BMP2K: variants seen among roughly 807,000 people sequenced by gnomAD.
BMP2K encodes the protein BMP-2-inducible protein kinase.
BMP2K carries 74 observed loss-of-function variants against 116.0 expected under a neutral mutation model. The observed-to-expected ratio is 0.64, with a 90% confidence interval of 0.53 to 0.77. The LOEUF is 0.77. Ranked by LOEUF, BMP2K falls within the 30% of genes least tolerant of loss-of-function variation. The pLI is 0.00. For missense variants in BMP2K, 1,365 were observed against 1,403.6 expected, an observed-to-expected ratio of 0.97 and a Z score of 0.44; for synonymous variants, 486 against 502.5, an observed-to-expected ratio of 0.97 and a Z score of 0.44.
intron 5 of BMP2K, among the ~76,000 whole-genome samples, chr4:78,846,949 A>G (rs1003047941): frequency 2.7e-5 from 4 of 150,772 alleles, no homozygotes; most frequent in African/African-American, 9.7e-5. Flanking sequence ...AAAGACAATT[A>G]AGCTTTTAGA....
chr4:78,906,043 C>T (rs1337554159), intron 15 of BMP2K: 1 of 152,002 alleles, frequency 6.6e-6, no homozygotes, highest in African/African-American at 2.4e-5. Flanking sequence ...CTTTCTTTCC[C>T]AGCTCTTCTG....
At chr4:78,810,163 C>A (rs1186337364) in intron 1 of BMP2K, among the ~76,000 whole-genome samples, 1 of 152,232 alleles carries the variant, frequency 6.6e-6, no homozygotes, top group African/African-American at 2.4e-5. Context: ...ACTAATAAGT[C>A]TTCTAGCTTT....
chr4:78,915,427 T>G lies in BMP2K; in HGVS notation c.*3394T>G, dbSNP rs556671778. On this transcript the variant is annotated 3_prime_UTR_variant, in exon 16 of 16. Coordinates refer to ENST00000502613, the MANE Select transcript of BMP2K (RefSeq NM_198892.2). ...TAGTTTTGAGGCGCTTGGGTACATT[T>G]GTTTTTAATATATTTAGAATGTGCA... is the stretch of plus-strand genomic sequence containing the variant. 1.2e-4 allele frequency: 18 copies of G among 152,130 alleles called. No individual in the cohort carries two copies. The highest frequency in any genetic ancestry group is 4.3e-4 in the African/African-American group (18 of 41,552). The allele number at this position is 152,130 out of a possible 1,614,324, so 9.4% of individuals were successfully genotyped here. A position where few individuals can be genotyped will look rare whatever the true frequency, so the allele number is the denominator to read the frequency against.
intron 7 of BMP2K, among the ~76,000 whole-genome samples, chr4:78,853,857 C>T (rs191844444): frequency 6.6e-6 from 1 of 152,264 alleles, no homozygotes; most frequent in Non-Finnish European, 1.5e-5. Context: ...GTCATTATTA[C>T]TATAAAAACT....
intron 1 of BMP2K, among the ~76,000 whole-genome samples, chr4:78,777,481 A>G (rs1295479398): frequency 6.6e-6 from 1 of 152,230 alleles, no homozygotes; most frequent in Non-Finnish European, 1.5e-5. Flanking sequence ...AAGTCTACTT[A>G]CAAAAAAAGT....
In BMP2K at chr4:78,859,634, T is replaced by C; in HGVS notation, c.934T>C (p.Ser312Pro). Reference sequence around the variant, plus strand: ...ACATAGACCTGATATATTTCAAGTGTCATATTTTGCATTTAAATTTGCCAA... The same window carrying C: ...ACATAGACCTGATATATTTCAAGTGCCATATTTTGCATTTAAATTTGCCAA... Reference protein sequence around the residue: ...PEHRPDIFQVSYFAFKFAKKD... With the variant: ...PEHRPDIFQVPYFAFKFAKKD... The change falls in exon 8 of 16, where the codon TCA (serine) becomes CCA (proline). Residue 312 changes from serine (S) to proline (P), a missense_variant. Ser to Pro is a moderately conservative substitution (Grantham distance 74, BLOSUM62 -1). This residue lies in a region of BMP2K where 762 missense variants were observed against 756.7 expected (regional missense o/e 1.01). Coordinates refer to ENST00000502613, the MANE Select transcript of BMP2K (RefSeq NM_198892.2). The C allele has an allele frequency of 6.2e-7, 1 of 1,611,122 alleles. No homozygotes were observed. The highest frequency in any genetic ancestry group is 2.2e-5 in the East Asian group (1 of 44,798).
chr4:78,846,096 C>T (rs1055745786), intron 5 of BMP2K, among the ~76,000 whole-genome samples: 1 of 151,674 alleles, frequency 6.6e-6, no homozygotes, highest in Admixed American at 6.6e-5. Flanking sequence ...TCTGTCCAAG[C>T]ATCCCTGACC....
chr4:78,861,717 A>G (rs979940061), intron 9 of BMP2K, among the ~76,000 whole-genome samples: 1 of 152,032 alleles, frequency 6.6e-6, no homozygotes, highest in South Asian at 2.1e-4. Flanking sequence ...ATGATGTGAC[A>G]GCGGGTCTTT....
chr4:78,872,618 C>G lies in BMP2K; in HGVS notation c.1613C>G (p.Pro538Arg), dbSNP rs796345890. Residue 538 changes from proline to arginine, a missense_variant, in exon 13 of 16, where the codon CCG becomes CGG. Pro to Arg is a moderately radical substitution (Grantham distance 103, BLOSUM62 -2). Transcript: ENST00000502613. ...TAATATCATTTCTTTTTTCAGATGC[C>G]GCAGTATCAGCAGGCTTTCTTTCAA... ...PSASQYPTMM[P>R]QYQQAFFQQQ... 1.2e-6 allele frequency: 2 copies of G among 1,613,028 alleles called. No homozygotes were observed. Among genetic ancestry groups the G allele is most frequent in the Non-Finnish European group, 8.5e-7 (1 of 1,179,586 alleles).
intron 6 of BMP2K, 105 bp from the exon 7 acceptor site, chr4:78,850,819 T>A (rs1731214508): frequency 9.1e-7 from 1 of 1,101,434 alleles, no homozygotes; most frequent in Non-Finnish European, 1.3e-6. Context: ...AAAAGATTGC[T>A]GCAGTATAGA....
At chr4:78,819,690 T>G (rs1729521139) in intron 1 of BMP2K, among the ~76,000 whole-genome samples, 1 of 152,220 alleles carries the variant, frequency 6.6e-6, no homozygotes, top group South Asian at 2.1e-4. Context: ...TCCGAAAGCC[T>G]TGCTTCCACC....
intron 14 of BMP2K, among the ~76,000 whole-genome samples, chr4:78,885,497 C>T (rs1228624658): frequency 1.3e-5 from 2 of 152,154 alleles, no homozygotes; most frequent in Non-Finnish European, 2.9e-5. Context: ...GTAAAAAGCA[C>T]TGTTAGAAGA....
chr4:78,807,899 T>G (rs1405482898), intron 1 of BMP2K, among the ~76,000 whole-genome samples: 1 of 152,146 alleles, frequency 6.6e-6, no homozygotes, highest in East Asian at 1.9e-4. Flanking sequence ...TTTTTCTAGT[T>G]TTTTCTTGGC....
At chr4:78,791,688 G>T (rs1292381674) in intron 1 of BMP2K, among the ~76,000 whole-genome samples, 8 of 152,096 alleles carry the variant, frequency 5.3e-5, no homozygotes, top group Admixed American at 4.6e-4. Context: ...TCTTATAGAA[G>T]TGGAATCATA....
chr4:78,814,300 T>C (rs1241722680), intron 1 of BMP2K, among the ~76,000 whole-genome samples: 1 of 152,242 alleles, frequency 6.6e-6, no homozygotes, highest in Non-Finnish European at 1.5e-5. Flanking sequence ...GTCCTATTAT[T>C]ATCCATCTTT....
Position 78,805,325 on chromosome 4 carries a change from C to T in BMP2K, c.179-20712C>T, listed in dbSNP as rs571353444. On this transcript the variant is annotated intron_variant, in intron 1 of 15. Transcript: ENST00000502613. ...TCTTGATTGCTGTAGCTTTGCAGTACATTTTGAAACTGGGAAGTGTGAGTC... is the reference window on the plus strand; with the variant it reads ...TCTTGATTGCTGTAGCTTTGCAGTATATTTTGAAACTGGGAAGTGTGAGTC... 6.6e-5 allele frequency among the ~76,000 whole-genome samples: 10 copies of T among 152,248 alleles called. No homozygotes were observed. In the East Asian group the frequency reaches 1.9e-3, roughly 29 times the overall value.
intron 1 of BMP2K, among the ~76,000 whole-genome samples, chr4:78,798,193 T>C (rs1728392253): frequency 6.6e-6 from 1 of 152,146 alleles, no homozygotes; most frequent in Non-Finnish European, 1.5e-5. Context: ...GTCTTGGAGT[T>C]TGGTATGTTT....
intron 14 of BMP2K, among the ~76,000 whole-genome samples, chr4:78,882,782 T>C (rs1215024884): frequency 6.6e-6 from 1 of 152,024 alleles, no homozygotes; most frequent in East Asian, 1.9e-4. Context: ...TTATGATTGC[T>C]TTATAAATTC....
intron 3 of BMP2K, among the ~76,000 whole-genome samples, chr4:78,835,820 A>T (rs1320764102): frequency 3.3e-5 from 5 of 152,106 alleles, no homozygotes; most frequent in Non-Finnish European, 7.4e-5. Context: ...GGTACAAAAG[A>T]GAAAGGACTT....
Sources: gnomAD v4.1 joint callset for allele counts (sites outside exome capture counted in the v4.1 genomes callset) on GRCh38, gnomAD v4.1.1 for gene constraint, gnomAD v4.1.1 regional missense constraint, MANE v1.5 for transcripts, NCBI Gene and HGNC (gene_info 2026-07-23, HGNC 2026-07-21) for gene names.